The following KHDC1 variants were observed in gnomAD, a reference collection of about 807,000 sequenced individuals.
KHDC1 encodes the protein KH homology domain-containing protein 1.
In KHDC1, 21 loss-of-function variants were observed where a neutral mutation model predicts 24.7. That is an observed-to-expected ratio of 0.85 (90% confidence interval 0.60 to 1.23). KHDC1 has a LOEUF of 1.23. KHDC1 is among the 50% of genes most tolerant of loss of function. KHDC1 has a pLI of 0.00. For missense variants in KHDC1, 274 were observed against 298.5 expected (o/e 0.92, Z 0.61); for synonymous variants, 98 against 111.7 (o/e 0.88, Z 0.77).
chr6:73,283,497 C>T (rs148175046), intron 2 of KHDC1, among the ~76,000 whole-genome samples: 1,593 of 152,072 alleles, frequency 0.01, 21 homozygotes, highest in African/African-American at 0.036. Flanking sequence ...TCTCAACTCC[C>T]GACCTCAAGT....
chr6:73,267,524 T>C (rs1182268249), intron 2 of KHDC1, among the ~76,000 whole-genome samples: 1 of 152,034 alleles, frequency 6.6e-6, no homozygotes, highest in Non-Finnish European at 1.5e-5. Flanking sequence ...AAAGACAAAA[T>C]TGTTGGCAAA....
intron 2 of KHDC1, chr6:73,263,030 C>T: frequency 9.7e-7 from 1 of 1,034,524 alleles, no homozygotes. Flanking sequence ...CTGGGCCACT[C>T]CCTGAGTAGG....
At chr6:73,297,594 T>C (rs1767779755) in intron 1 of KHDC1, among the ~76,000 whole-genome samples, 1 of 152,184 alleles carries the variant, frequency 6.6e-6, no homozygotes, top group Non-Finnish European at 1.5e-5. Context: ...TGTCTTCCCA[T>C]TGAGGTTGAA....
intron 2 of KHDC1, among the ~76,000 whole-genome samples, chr6:73,249,065 A>G (rs1766730121): frequency 6.6e-6 from 1 of 152,166 alleles, no homozygotes; most frequent in African/African-American, 2.4e-5. Flanking sequence ...CTTTGTGTAC[A>G]TGTTGATAAT....
At chr6:73,286,920 T>G (rs1767533986) in intron 2 of KHDC1, among the ~76,000 whole-genome samples, 1 of 150,774 alleles carries the variant, frequency 6.6e-6, no homozygotes, top group African/African-American at 2.4e-5. Context: ...CTTTCAGGAT[T>G]TAATGCCCTG....
At chr6:73,247,131 C>T (rs902021646) in intron 2 of KHDC1, among the ~76,000 whole-genome samples, 1 of 151,940 alleles carries the variant, frequency 6.6e-6, no homozygotes, top group Non-Finnish European at 1.5e-5. Context: ...GCATGAACCA[C>T]CATGCCCAGC....
chr6:73,260,641 A>G (rs1421211941), intron 2 of KHDC1, among the ~76,000 whole-genome samples: 1 of 152,194 alleles, frequency 6.6e-6, no homozygotes, highest in African/African-American at 2.4e-5. Flanking sequence ...TTTAACTTCA[A>G]TTAATACTGC....
chr6:73,246,659 C>A (rs1248904326), intron 2 of KHDC1, among the ~76,000 whole-genome samples: 1 of 152,128 alleles, frequency 6.6e-6, no homozygotes, highest in Non-Finnish European at 1.5e-5. Flanking sequence ...ATAAAATAAA[C>A]AAGAAGATTT....
At chr6:73,286,075 C>T (rs1017595481) in intron 2 of KHDC1, among the ~76,000 whole-genome samples, 2 of 152,138 alleles carry the variant, frequency 1.3e-5, no homozygotes, top group African/African-American at 4.8e-5. Flanking sequence ...CTGTCAACTC[C>T]GCAAGGCAAG....
intron 2 of KHDC1, among the ~76,000 whole-genome samples, chr6:73,271,198 T>C (rs956933584): frequency 1.3e-5 from 2 of 151,902 alleles, no homozygotes; most frequent in South Asian, 2.1e-4. Context: ...TAAAATGTTT[T>C]GGTTTTTTTT....
intron 1 of KHDC1, among the ~76,000 whole-genome samples, chr6:73,294,354 T>C (rs185634390): frequency 4.6e-5 from 7 of 152,228 alleles, no homozygotes; most frequent in Admixed American, 6.5e-5. Context: ...TTTAGACTTA[T>C]TAGATGAAGA....
chr6:73,263,019 C>T, intron 2 of KHDC1: 3 of 1,031,738 alleles, frequency 2.9e-6, no homozygotes, highest in African/African-American at 1.7e-5. Context: ...GCGCCGCAGG[C>T]CTGGGCCACT....
intron 1 of KHDC1, chr6:73,301,458 A>G (rs924959565): frequency 2.6e-5 from 4 of 152,196 alleles, no homozygotes; most frequent in African/African-American, 7.2e-5. Context: ...ACCTTTCATA[A>G]GTAAACAGAA....
intron 1 of KHDC1, among the ~76,000 whole-genome samples, chr6:73,305,902 G>T (rs1489993281): frequency 1.3e-5 from 2 of 152,032 alleles, no homozygotes; most frequent in African/African-American, 2.4e-5. Flanking sequence ...CAAGTGATCT[G>T]CCCACCTTGG....
At chr6:73,301,935 C>T (rs35740285) in intron 1 of KHDC1, among the ~76,000 whole-genome samples, 14,576 of 152,124 alleles carry the variant, frequency 0.096, 787 homozygotes, top group East Asian at 0.19. Flanking sequence ...TGTCTGCTGC[C>T]ATATATAATG....
At chr6:73,304,802 T>C (rs1480670380) in intron 1 of KHDC1, among the ~76,000 whole-genome samples, 1 of 152,156 alleles carries the variant, frequency 6.6e-6, no homozygotes, top group African/African-American at 2.4e-5. Context: ...AATCTATCAG[T>C]CACCAACATA....
intron 2 of KHDC1, among the ~76,000 whole-genome samples, chr6:73,260,110 C>G (rs1170552384): frequency 6.6e-6 from 1 of 152,212 alleles, no homozygotes; most frequent in Non-Finnish European, 1.5e-5. Flanking sequence ...CAGCTTTCCT[C>G]ATTCCTACTT....
chr6:73,278,933 T>C (rs1033363823), intron 2 of KHDC1, among the ~76,000 whole-genome samples: 1 of 152,238 alleles, frequency 6.6e-6, no homozygotes, highest in Non-Finnish European at 1.5e-5. Flanking sequence ...TTGTCACTTT[T>C]CATGTGAATA....
intron 1 of KHDC1, among the ~76,000 whole-genome samples, chr6:73,303,907 G>A (rs756356125): frequency 6.6e-6 from 1 of 152,146 alleles, no homozygotes; most frequent in Non-Finnish European, 1.5e-5. Flanking sequence ...GGCTGGGCAC[G>A]GTGGCTCACA....
Sources: allele counts gnomAD v4.1 joint callset (sites outside exome capture counted in the v4.1 genomes callset), GRCh38; gene constraint gnomAD v4.1.1; transcripts MANE v1.5; gene names NCBI Gene and HGNC (gene_info 2026-07-23, HGNC 2026-07-21).